The following AUTS2 variants were observed in gnomAD, a reference collection of about 807,000 sequenced individuals.
AUTS2 encodes the protein activator of transcription and developmental regulator AUTS2.
AUTS2 carries 17 observed loss-of-function variants against 112.4 expected under a neutral mutation model. The ratio of observed to expected loss-of-function variants is 0.15; its 90% CI spans 0.10 to 0.23. AUTS2 has a LOEUF of 0.23. Ranked by LOEUF, AUTS2 falls within the 10% of genes least tolerant of loss-of-function variation. The pLI is 1.00. For synonymous variants in AUTS2, 751 were observed against 702.7 expected (o/e 1.07, Z -1.09); for missense variants, 1,510 against 1,701.6 (o/e 0.89, Z 1.98).
At chr7:69,963,035 T>G (rs936790795) in intron 2 of AUTS2, among the ~76,000 whole-genome samples, 1 of 152,104 alleles carries the variant, frequency 6.6e-6, no homozygotes, top group Non-Finnish European at 1.5e-5. Flanking sequence ...GGGTTCTTTT[T>G]GTGCAGCTGA....
chr7:70,024,653 T>A (rs778699116), intron 2 of AUTS2, among the ~76,000 whole-genome samples: 1 of 152,198 alleles, frequency 6.6e-6, no homozygotes, highest in Non-Finnish European at 1.5e-5. Context: ...TGTGTGTGTA[T>A]AAATCTAAAG....
intron 2 of AUTS2, among the ~76,000 whole-genome samples, chr7:70,017,360 G>T (rs1426170992): frequency 6.6e-6 from 1 of 152,192 alleles, no homozygotes; most frequent in East Asian, 1.9e-4. Flanking sequence ...GCTTGTTCTG[G>T]TATGTAAATT....
intron 4 of AUTS2, among the ~76,000 whole-genome samples, chr7:70,379,900 G>C (rs987371557): frequency 7.2e-5 from 11 of 152,140 alleles, no homozygotes; most frequent in Admixed American, 5.2e-4. Flanking sequence ...CTGTACCAGA[G>C]GCAAATAACT....
At chr7:70,262,081 A>G (rs569166859) in intron 4 of AUTS2, among the ~76,000 whole-genome samples, 1 of 152,360 alleles carries the variant, frequency 6.6e-6, no homozygotes, top group South Asian at 2.1e-4. Context: ...TATTACAAAA[A>G]GTTATTTAAT....
intron 2 of AUTS2, among the ~76,000 whole-genome samples, chr7:69,946,599 C>G (rs1796823644): frequency 7.0e-6 from 1 of 143,350 alleles, no homozygotes; most frequent in African/African-American, 2.5e-5. Context: ...CACACACACA[C>G]ACACACACGC....
chr7:70,639,222 A>G (rs1805681296), intron 5 of AUTS2, among the ~76,000 whole-genome samples: 1 of 152,202 alleles, frequency 6.6e-6, no homozygotes, highest in African/African-American at 2.4e-5. Flanking sequence ...CACTAGACGA[A>G]AGAAAATAAA....
In AUTS2 at chr7:70,582,573, A is replaced by G. The variant is rs143698139; in HGVS notation, c.691-115996A>G. On this transcript the variant is annotated intron_variant, in intron 5 of 18. Coordinates refer to ENST00000342771, the MANE Select transcript of AUTS2 (RefSeq NM_015570.4). ...ATTTTCCCCTCTGGGGAAGCTTGGG[A>G]CTCACCACTTCACAGAATTCAAGGT... is the stretch of plus-strand genomic sequence containing the variant. Among the ~76,000 whole-genome samples the G allele has an allele frequency of 1.6e-3, 245 of 152,258 alleles. 1 individual carries two copies. The highest frequency in any genetic ancestry group is 3.7e-3 in the South Asian group (18 of 4,824).
chr7:69,901,305 G>T (rs987078972), intron 2 of AUTS2, among the ~76,000 whole-genome samples: 4 of 151,314 alleles, frequency 2.6e-5, no homozygotes, highest in African/African-American at 9.7e-5. Context: ...GCCCCAGCAG[G>T]GTAAGAAGGA....
intron 3 of AUTS2, among the ~76,000 whole-genome samples, chr7:70,131,653 T>C (rs1304137587): frequency 6.6e-6 from 1 of 152,168 alleles, no homozygotes; most frequent in Non-Finnish European, 1.5e-5. Flanking sequence ...TGTGTTCATA[T>C]AATTTCTGTC....
chr7:70,768,733 C>A (rs974955854), intron 10 of AUTS2, among the ~76,000 whole-genome samples: 5 of 152,014 alleles, frequency 3.3e-5, no homozygotes, highest in Non-Finnish European at 7.4e-5. Context: ...ATTGATAACA[C>A]CCTAAGTTAT....
chr7:69,945,570 T>A (rs570402762), intron 2 of AUTS2, among the ~76,000 whole-genome samples: 2 of 152,290 alleles, frequency 1.3e-5, no homozygotes, highest in East Asian at 3.9e-4. Flanking sequence ...AACACCTTAA[T>A]CCAAATCCAT....
chr7:69,985,561 A>C (rs187070049), intron 2 of AUTS2, among the ~76,000 whole-genome samples: 1 of 152,322 alleles, frequency 6.6e-6, no homozygotes, highest in East Asian at 1.9e-4. Context: ...GTCATGGCCT[A>C]TGAAGCCGTA....
intron 5 of AUTS2, among the ~76,000 whole-genome samples, chr7:70,498,229 T>A (rs978115173): frequency 2.6e-5 from 4 of 152,134 alleles, no homozygotes; most frequent in African/African-American, 7.2e-5. Flanking sequence ...CTTCCTGAAA[T>A]CCACAGAGCC....
intron 2 of AUTS2, among the ~76,000 whole-genome samples, chr7:69,910,593 A>T (rs543173784): frequency 6.6e-6 from 1 of 152,316 alleles, no homozygotes; most frequent in South Asian, 2.1e-4. Flanking sequence ...CAAATAGAGC[A>T]TTTGTGCAGG....
intron 4 of AUTS2, 38 bp downstream of exon 4, chr7:70,134,609 T>A: frequency 6.3e-7 from 1 of 1,597,108 alleles, no homozygotes; most frequent in Non-Finnish European, 8.6e-7. Flanking sequence ...TGCCTTGCAT[T>A]GGCATTGATT....
At chr7:70,280,953 C>T (rs2129610455) in intron 4 of AUTS2, among the ~76,000 whole-genome samples, 1 of 152,246 alleles carries the variant, frequency 6.6e-6, no homozygotes, top group Admixed American at 6.5e-5. Context: ...TTACTTCTCT[C>T]CTTCATGGAC....
In AUTS2 at chr7:70,763,228, C is replaced by A. The variant is rs528822998; in HGVS notation, c.1101C>A (p.Pro367=). The A allele has an allele frequency of 2.5e-6, 4 of 1,614,102 alleles. No individual in the cohort carries two copies. The Admixed American group carries it at 6.7e-5, about 27-fold the overall frequency. ...AGAGGCCACCCAGGCCACAGTCCCC[C>A]ACCCAGCTGCTCCATCAGAACCTCC... The part of the protein sequence containing the change: ...QVQRPPRPQS[P]TQLLHQNLPP... The change falls in exon 7 of 19, where the codon CCC becomes CCA. Residue 367 remains proline, a synonymous_variant. Coordinates refer to ENST00000342771, the MANE Select transcript of AUTS2 (RefSeq NM_015570.4).
intron 5 of AUTS2, among the ~76,000 whole-genome samples, chr7:70,458,447 C>T (rs992839140): frequency 3.9e-5 from 6 of 152,178 alleles, no homozygotes; most frequent in Non-Finnish European, 7.3e-5. Flanking sequence ...TGACCCCAGC[C>T]TCTTGTTAGC....
chr7:70,581,703 G>C (rs1354903260), intron 5 of AUTS2, among the ~76,000 whole-genome samples: 2 of 152,108 alleles, frequency 1.3e-5, no homozygotes, highest in East Asian at 3.9e-4. Flanking sequence ...AACAGACCTG[G>C]TTCCTAGTAA....
Sources: allele counts gnomAD v4.1 joint callset (sites outside exome capture counted in the v4.1 genomes callset), GRCh38; gene constraint gnomAD v4.1.1; transcripts MANE v1.5; gene names NCBI Gene and HGNC (gene_info 2026-07-23, HGNC 2026-07-21).